The following CDH18 variants were observed in gnomAD, a reference collection of about 807,000 sequenced individuals.
The protein encoded by CDH18 is cadherin-18.
In CDH18, 31 loss-of-function variants were observed where a neutral mutation model predicts 67.9. The ratio of observed to expected loss-of-function variants is 0.46; its 90% CI spans 0.34 to 0.62. CDH18 has a LOEUF of 0.62. CDH18 is among the 20% of genes least tolerant of loss of function. The pLI is 0.01. For synonymous variants in CDH18, 362 were observed against 347.2 expected, an observed-to-expected ratio of 1.04 and a Z score of -0.48; for missense variants, 890 against 975.5, an observed-to-expected ratio of 0.91 and a Z score of 1.17.
At chr5:19,678,160 C>G (rs943726503) in intron 5 of CDH18, among the ~76,000 whole-genome samples, 1 of 151,554 alleles carries the variant, frequency 6.6e-6, no homozygotes, top group African/African-American at 2.4e-5. Flanking sequence ...CACCCCAAAA[C>G]CACAGAATAT....
intron 2 of CDH18, among the ~76,000 whole-genome samples, chr5:19,888,050 A>G (rs754192008): frequency 1.2e-4 from 18 of 152,096 alleles, no homozygotes; most frequent in African/African-American, 2.4e-5. Context: ...TAATCTCTCC[A>G]TTCTATTCCC....
chr5:20,501,569 A>ATATATATATATTATAT (rs1491455085), intron 1 of CDH18, among the ~76,000 whole-genome samples: 1 of 16,188 alleles, frequency 6.2e-5, no homozygotes, highest in Non-Finnish European at 1.5e-4. Flanking sequence ...ATATATATAT[A>ATATATATATATTATAT]ATATATATAT....
chr5:20,178,454 C>T (rs1737412624), intron 2 of CDH18, among the ~76,000 whole-genome samples: 1 of 151,384 alleles, frequency 6.6e-6, no homozygotes, highest in African/African-American at 2.4e-5. Flanking sequence ...CTTTCCACTG[C>T]TAGCTAATTA....
At chr5:19,558,723 GC>G (rs1411833006) in intron 8 of CDH18, among the ~76,000 whole-genome samples, 1 of 151,818 alleles carries the variant, frequency 6.6e-6, no homozygotes, top group East Asian at 1.9e-4. Flanking sequence ...AGACATTCAA[GC>G]AAAAATTGGT....
chr5:20,240,093 C>G (rs1742780117), intron 2 of CDH18, among the ~76,000 whole-genome samples: 1 of 151,672 alleles, frequency 6.6e-6, no homozygotes, highest in South Asian at 2.1e-4. Context: ...AGCAAACCAA[C>G]ACGGCACACG....
intron 3 of CDH18, among the ~76,000 whole-genome samples, chr5:19,794,297 A>C (rs1174010926): frequency 2.0e-5 from 3 of 152,144 alleles, no homozygotes; most frequent in Non-Finnish European, 2.9e-5. Context: ...ATTAGCACTT[A>C]ATTCAACATG....
In CDH18 at chr5:19,544,711, G is replaced by A. The variant is rs141322639; in HGVS notation, c.1254-706C>T. On this transcript the variant is annotated intron_variant, in intron 8 of 12. Transcript: ENST00000382275. Reference sequence around the variant, plus strand: ...TCTTCTTTCTGGGCCTAGGTTTCATGAGACTTTGTATGTTTCCTTGTGTCC... The same window carrying A: ...TCTTCTTTCTGGGCCTAGGTTTCATAAGACTTTGTATGTTTCCTTGTGTCC... Among the ~76,000 whole-genome samples the A allele has an allele frequency of 1.7e-4, 26 of 152,270 alleles. No individual in the cohort carries two copies. The East Asian group carries it at 4.8e-3, about 28-fold the overall frequency.
intron 1 of CDH18, chr5:20,304,259 T>G (rs1425881428): frequency 6.3e-7 from 1 of 1,595,786 alleles, no homozygotes; most frequent in Non-Finnish European, 8.6e-7. Context: ...TAAATTGGTG[T>G]CTGCCCGCAC....
In CDH18 at chr5:20,427,928, G is replaced by T. The variant is rs1005757449; in HGVS notation, c.-580+147534C>A. On this transcript the variant is annotated intron_variant, in intron 1 of 14. Transcript: ENST00000507958. The stretch of plus-strand genomic sequence containing the variant: ...AAACTCTTTTTGACCCAACGTGTTT[G>T]TTTTTTTGTTTAATTTTACTTTAAG... Among the ~76,000 whole-genome samples, 19 of 151,018 alleles carry T rather than the reference G, an allele frequency of 1.3e-4. 2 individuals are homozygous for T. The highest frequency in any genetic ancestry group is 4.5e-4 in the African/African-American group (18 of 40,402).
At chr5:20,272,559 GGAGT>G (rs1745514965) in intron 1 of CDH18, among the ~76,000 whole-genome samples, 1 of 151,546 alleles carries the variant, frequency 6.6e-6, no homozygotes, top group African/African-American at 2.4e-5. Flanking sequence ...TGTTTTTTTT[GGAGT>G]GAGACTAAAC....
At chr5:19,745,999 A>T (rs112355461) in intron 4 of CDH18, among the ~76,000 whole-genome samples, 1 of 152,102 alleles carries the variant, frequency 6.6e-6, no homozygotes, top group African/African-American at 2.4e-5. Flanking sequence ...AAGAACCTCA[A>T]TCTAAAACAA....
At chr5:19,982,280 T>C (rs1210223068) in intron 1 of CDH18, among the ~76,000 whole-genome samples, 2 of 152,078 alleles carry the variant, frequency 1.3e-5, no homozygotes, top group Non-Finnish European at 2.9e-5. Context: ...AAAATAGATT[T>C]TCATGGACAC....
At chr5:20,098,309 CAAAT>C (rs1024232329) in intron 2 of CDH18, among the ~76,000 whole-genome samples, 21 of 151,870 alleles carry the variant, frequency 1.4e-4, no homozygotes, top group East Asian at 1.9e-4. Context: ...GTTTAAATGA[CAAAT>C]AAAAATTGTA....
At chr5:19,668,368 G>A (rs1244530076) in intron 5 of CDH18, among the ~76,000 whole-genome samples, 1 of 79,266 alleles carries the variant, frequency 1.3e-5, no homozygotes, top group East Asian at 2.8e-4. Context: ...TAGTTTCTAT[G>A]ACTCTTATTA....
intron 4 of CDH18, among the ~76,000 whole-genome samples, chr5:19,745,642 C>T (rs778213072): frequency 1.3e-4 from 20 of 152,194 alleles, no homozygotes; most frequent in Non-Finnish European, 2.6e-4. Context: ...TCTCCCTCGA[C>T]TCTCCTTGGA....
chr5:19,842,899 G>A (rs114414216), intron 2 of CDH18, among the ~76,000 whole-genome samples: 4,050 of 152,226 alleles, frequency 0.027, 202 homozygotes, highest in African/African-American at 0.092. Flanking sequence ...CTCTTGCTAT[G>A]TTTCAGCAAA....
At chr5:20,341,549 A>ATT (rs908140186) in intron 1 of CDH18, among the ~76,000 whole-genome samples, 6 of 151,084 alleles carry the variant, frequency 4.0e-5, no homozygotes, top group Admixed American at 6.6e-5. Context: ...GAGGGCATAT[A>ATT]TATATATATT....
At chr5:20,012,373 A>AG (rs1007912781) in intron 2 of CDH18, among the ~76,000 whole-genome samples, 2 of 4,080 alleles carry the variant, frequency 4.9e-4, no homozygotes, top group Non-Finnish European at 8.8e-3. Context: ...TATCTTGTTC[A>AG]AAAAAAAAAA....
chr5:20,553,940 T>C (rs1303676350), intron 1 of CDH18, among the ~76,000 whole-genome samples: 1 of 152,198 alleles, frequency 6.6e-6, no homozygotes, highest in Non-Finnish European at 1.5e-5. Context: ...TTCATACATT[T>C]ATGATTTAAG....
Sources: allele counts gnomAD v4.1 joint callset (sites outside exome capture counted in the v4.1 genomes callset), GRCh38; gene constraint gnomAD v4.1.1; transcripts MANE v1.5; gene names NCBI Gene and HGNC (gene_info 2026-07-23, HGNC 2026-07-21).